MTA3: variants seen among roughly 807,000 people sequenced by gnomAD.
The protein encoded by MTA3 is metastasis-associated protein MTA3.
Under a neutral mutation model 83.5 loss-of-function variants are expected in MTA3, and 34 were observed. The observed-to-expected ratio is 0.41, with a 90% CI of 0.31 to 0.54. MTA3 has a LOEUF of 0.54. Ranked by LOEUF, MTA3 falls within the 20% of genes least tolerant of loss-of-function variation. The pLI, the probability that MTA3 is intolerant of heterozygous loss-of-function variation, is 0.33. For missense variants in MTA3, 761 were observed against 726.4 expected (o/e 1.05, Z -0.55); for synonymous variants, 303 against 252.7 (o/e 1.20, Z -1.89).
rs1028418231 is a variant in MTA3, at chr2:42,756,712, T to A, written c.*3313T>A. 1.0e-6 allele frequency: 1 copy of A among 985,424 alleles called. No individual in the cohort carries two copies. Among genetic ancestry groups the A allele is most frequent in the Admixed American group, 6.1e-5 (1 of 16,278 alleles). The allele number at this position is 985,424 out of a possible 1,614,324, so 61.0% of individuals were successfully genotyped here. A position where few individuals can be genotyped will look rare whatever the true frequency, so the allele number is the denominator to read the frequency against. ...CTCAGTTAGCAGCCCCTCCTCACCA[T>A]TCCCCCCAGGAAGGCCATGTCCCAG... On this transcript the variant is annotated 3_prime_UTR_variant, in exon 17 of 17. Coordinates refer to ENST00000405094, the MANE Select transcript of MTA3 (RefSeq NM_001330442.2).
At chr2:42,586,964 A>T (rs1680405580) in intron 3 of MTA3, among the ~76,000 whole-genome samples, 1 of 152,190 alleles carries the variant, frequency 6.6e-6, no homozygotes, top group South Asian at 2.1e-4. Flanking sequence ...TGGAGGTTGC[A>T]GTGAGCTGAG....
chr2:42,607,347 A>ATCAGACTCTGGC lies in MTA3; in HGVS notation c.191-2105_191-2094dup, dbSNP rs763545483. On this transcript the variant is annotated intron_variant, in intron 3 of 16. Coordinates refer to ENST00000405094, the MANE Select transcript of MTA3 (RefSeq NM_001330442.2). Reference sequence around the variant, plus strand: ...CTGGAGATTGGTGAGAGTCTCATGGATCAGACTCTGGCTCAGAGGCATTGT... The same window carrying ATCAGACTCTGGC: ...CTGGAGATTGGTGAGAGTCTCATGGATCAGACTCTGGCTCAGACTCTGGCTCAGAGGCATTGT... Among the ~76,000 whole-genome samples, 26 of 152,222 alleles carry ATCAGACTCTGGC rather than the reference A, an allele frequency of 1.7e-4. No homozygotes were observed. The East Asian group carries it at 4.5e-3, about 26-fold the overall frequency.
chr2:42,717,911 AG>A (rs1667139067), intron 14 of MTA3, among the ~76,000 whole-genome samples: 1 of 152,170 alleles, frequency 6.6e-6, no homozygotes. Context: ...TCTTACGTTA[AG>A]ACTGATTCCA....
At chr2:42,543,677 G>T (rs1025106788) in intron 2 of MTA3, among the ~76,000 whole-genome samples, 3 of 148,308 alleles carry the variant, frequency 2.0e-5, no homozygotes, top group African/African-American at 7.5e-5. Flanking sequence ...GTACAGACAG[G>T]GTCTTACTCT....
intron 8 of MTA3, among the ~76,000 whole-genome samples, chr2:42,675,389 C>G (rs1341848116): frequency 6.6e-6 from 1 of 152,170 alleles, no homozygotes. Context: ...CTGCGTTGGC[C>G]TCCTAAAGTG....
At position 42,602,354 on chromosome 2, in the gene MTA3, A is replaced by T. The variant is rs574562681; in HGVS notation, c.191-7104A>T. Among the ~76,000 whole-genome samples the T allele has an allele frequency of 2.6e-5, 4 of 152,324 alleles. No homozygotes were observed. The South Asian group carries it at 8.3e-4, about 32-fold the overall frequency. ...TACTGCAAATAAAGCTCCTATGAAC[A>T]TTCATGTACAGGTCTTTTGGTGTAC... On this transcript the variant is annotated intron_variant, in intron 3 of 16. Transcript: ENST00000405094.
At chr2:42,740,554 C>T (rs991909143) in intron 16 of MTA3, among the ~76,000 whole-genome samples, 8 of 152,352 alleles carry the variant, frequency 5.3e-5, no homozygotes, top group East Asian at 3.9e-4. Flanking sequence ...TTCATCCATC[C>T]GTTCATCCAT....
intron 4 of MTA3, among the ~76,000 whole-genome samples, chr2:42,623,893 A>G (rs949540881): frequency 6.6e-6 from 1 of 151,958 alleles, no homozygotes; most frequent in East Asian, 1.9e-4. Flanking sequence ...GGGTTTCACC[A>G]TGGTGGCCAG....
At chr2:42,714,562 C>T (rs1184263538) in intron 14 of MTA3, among the ~76,000 whole-genome samples, 1 of 152,070 alleles carries the variant, frequency 6.6e-6, no homozygotes, top group Non-Finnish European at 1.5e-5. Flanking sequence ...CCAGTATTTC[C>T]AAAACACTGT....
intron 11 of MTA3, 58 bp downstream of exon 11, chr2:42,697,892 A>G: frequency 1.6e-6 from 2 of 1,250,422 alleles, no homozygotes; most frequent in South Asian, 1.6e-5. Flanking sequence ...TCATTGCAGA[A>G]TATGTCATTT....
At position 42,548,475 on chromosome 2, in the gene MTA3, G is replaced by A. The variant is rs563714706; in HGVS notation, c.-140-21962G>A. Among the ~76,000 whole-genome samples the A allele has an allele frequency of 8.6e-5, 13 of 151,208 alleles. No homozygotes were observed. The East Asian group carries it at 2.5e-3, about 30-fold the overall frequency. On this transcript the variant is annotated intron_variant, in intron 2 of 17. Coordinates refer to the MTA3 transcript ENST00000405592. ...AGCAAGACTCCGTCTCAAAATATAC[G>A]TATATACATAAAATTAAAATGCAAA... is the stretch of plus-strand genomic sequence containing the variant.
At chr2:42,552,280 G>A (rs1037265790) in intron 2 of MTA3, among the ~76,000 whole-genome samples, 6 of 152,312 alleles carry the variant, frequency 3.9e-5, no homozygotes, top group South Asian at 4.1e-4. Flanking sequence ...GGCCACAGCC[G>A]AGAAGTAAGG....
chr2:42,559,253 G>A (rs1434341502), intron 2 of MTA3, among the ~76,000 whole-genome samples: 1 of 152,136 alleles, frequency 6.6e-6, no homozygotes, highest in Non-Finnish European at 1.5e-5. Flanking sequence ...TGTAATCCCA[G>A]CACTTTGGGA....
intron 4 of MTA3, among the ~76,000 whole-genome samples, chr2:42,637,917 C>T (rs115753827): frequency 1.3e-5 from 2 of 152,058 alleles, no homozygotes; most frequent in African/African-American, 2.4e-5. Flanking sequence ...TTTCAGTGTC[C>T]GTTAACCCTT....
At chr2:42,609,324 A>C in intron 3 of MTA3, 134 bp from the exon 4 acceptor site, 1 of 985,550 alleles carries the variant, frequency 1.0e-6, no homozygotes, top group Non-Finnish European at 1.5e-6. Flanking sequence ...GAGCCACTGC[A>C]CCTGGCAAAT....
In MTA3 at chr2:42,655,787, G is replaced by A. The variant is rs568567996; in HGVS notation, c.500-413G>A. On this transcript the variant is annotated intron_variant, in intron 6 of 16. Coordinates refer to ENST00000405094, the MANE Select transcript of MTA3 (RefSeq NM_001330442.2). ...CCGGCTAATTTTTGTATTTTTAGTAGAGACAGGATTTCTCCATATTGACCA... is the reference window on the plus strand; with the variant it reads ...CCGGCTAATTTTTGTATTTTTAGTAAAGACAGGATTTCTCCATATTGACCA... Among the ~76,000 whole-genome samples the A allele has an allele frequency of 3.3e-5, 5 of 152,276 alleles. No individual in the cohort carries two copies. The South Asian group carries it at 1.0e-3, about 32-fold the overall frequency.
intron 2 of MTA3, chr2:42,533,404 A>G (rs1245103021): frequency 6.6e-6 from 1 of 151,802 alleles, no homozygotes; most frequent in African/African-American, 2.4e-5. Flanking sequence ...CATGTTTTCT[A>G]AAAGGCCTAG....
chr2:42,549,682 ATATAT>A (rs1207402666), intron 2 of MTA3, among the ~76,000 whole-genome samples: 1 of 130,756 alleles, frequency 7.6e-6, no homozygotes, highest in African/African-American at 2.9e-5. Flanking sequence ...ATAATATATA[ATATAT>A]TATATATACA....
rs1029601612 is a variant in MTA3 at position 42,649,935 on chromosome 2, A to G, written c.499+5691A>G. Among the ~76,000 whole-genome samples the G allele has an allele frequency of 5.3e-5, 8 of 152,206 alleles. No individual in the cohort carries two copies. The East Asian group carries it at 1.2e-3, about 22-fold the overall frequency. ...ACCTTTATGCTTGGCGCAAATGGCA[A>G]TAGAGATTTAACTGTTTTATTATGA... On this transcript the variant is annotated intron_variant, in intron 6 of 16. Transcript: ENST00000405094.
Sources: gnomAD v4.1 joint callset for allele counts (sites outside exome capture counted in the v4.1 genomes callset) on GRCh38, gnomAD v4.1.1 for gene constraint, MANE v1.5 for transcripts, NCBI Gene and HGNC (gene_info 2026-07-23, HGNC 2026-07-21) for gene names.